AKR1B10: variants seen among roughly 807,000 people sequenced by gnomAD.
AKR1B10 encodes aldo-keto reductase family 1 member B10.
Under a neutral mutation model 38.9 loss-of-function variants are expected in AKR1B10, and 39 were observed. The ratio of observed to expected loss-of-function variants is 1.00; its 90% CI spans 0.78 to 1.31. The LOEUF is 1.31. Ranked by LOEUF, AKR1B10 falls within the 50% of genes most tolerant of loss-of-function variation. The probability of loss-of-function intolerance (pLI) is 0.00; values close to 1 mark genes in which losing one functional copy is unlikely to be tolerated. For synonymous variants in AKR1B10, 148 were observed against 141.2 expected, an observed-to-expected ratio of 1.05 and a Z score of -0.34; for missense variants, 361 against 382.6, an observed-to-expected ratio of 0.94 and a Z score of 0.47.
rs377177758 is a variant in AKR1B10, at chr7:134,537,564, A to C, written c.660-16A>C. On this transcript the variant is annotated splice_polypyrimidine_tract_variant and intron_variant, in intron 6 of 9. Transcript: ENST00000359579. ...AGCCATGGTGATTATTCACATCAGCATCTTTCTGCCCCTAGGGCCAAGCCA... is the reference window on the plus strand; with the variant it reads ...AGCCATGGTGATTATTCACATCAGCCTCTTTCTGCCCCTAGGGCCAAGCCA... 8.1e-6 allele frequency: 13 copies of C among 1,612,342 alleles called. No homozygotes were observed. Among genetic ancestry groups the C allele is most frequent in the Middle Eastern group, 3.6e-4 (2 of 5,592 alleles).
intron 9 of AKR1B10, among the ~76,000 whole-genome samples, chr7:134,540,593 GTAGGATGA>G: frequency 6.6e-6 from 1 of 152,270 alleles, no homozygotes; most frequent in East Asian, 1.9e-4. Flanking sequence ...CACTTATAAA[GTAGGATGA>G]TAATACTAAT....
chr7:134,531,786 G>T, intron 2 of AKR1B10, 122 bp from the exon 3 acceptor site: 1 of 1,100,398 alleles, frequency 9.1e-7, no homozygotes, highest in Non-Finnish European at 1.4e-6. Flanking sequence ...ATCTTAATCA[G>T]CTTTGTTACA....
Position 134,537,280 on chromosome 7 carries a change from T to C in AKR1B10, c.659+123T>C. 3 of 1,412,096 alleles carry C rather than the reference T, an allele frequency of 2.1e-6. No individual in the cohort carries two copies. The South Asian group carries it at 4.6e-5, about 22-fold the overall frequency. The allele number at this position is 1,412,096 out of a possible 1,614,324, so 87.5% of individuals were successfully genotyped here. A position where few individuals can be genotyped will look rare whatever the true frequency, so the allele number is the denominator to read the frequency against. ...AAAAATGTGTGTAAGGTAACACGTT[T>C]GGTACACACAAATGGGATGGCAGTG... On this transcript the variant is annotated intron_variant, in intron 6 of 9. Coordinates refer to ENST00000359579, the MANE Select transcript of AKR1B10 (RefSeq NM_020299.5).
chr7:134,536,673 G>A lies in AKR1B10; in HGVS notation c.453G>A (p.Glu151=). Residue 151 remains glutamate, a synonymous_variant, in exon 5 of 10, where the codon GAG becomes GAA. Transcript: ENST00000359579. ...AGGCCATGGAGGAGCTGGTGGATGA[G>A]GGGCTGGTGAAAGCCCTTGGGGTCT... ...AWEAMEELVD[E]GLVKALGVSN... is the part of the protein sequence containing the mutation. 1.2e-6 allele frequency: 2 copies of A among 1,613,910 alleles called. No homozygotes were observed. Among genetic ancestry groups the A allele is most frequent in the Non-Finnish European group, 1.7e-6 (2 of 1,179,818 alleles).
chr7:134,530,913 C>T, intron 2 of AKR1B10, 103 bp downstream of exon 2: 1 of 1,418,320 alleles, frequency 7.1e-7, no homozygotes. Flanking sequence ...ACATGTACCC[C>T]TTTTCATCTC....
intron 1 of AKR1B10, among the ~76,000 whole-genome samples, chr7:134,528,885 G>T (rs762384489): frequency 6.8e-4 from 104 of 152,298 alleles, no homozygotes; most frequent in Non-Finnish European, 1.2e-3. Flanking sequence ...TGCTGGGGCT[G>T]CAGAGAGCCT....
intron 9 of AKR1B10, 64 bp downstream of exon 9, chr7:134,539,081 T>A: frequency 6.3e-7 from 1 of 1,578,846 alleles, no homozygotes; most frequent in Non-Finnish European, 8.7e-7. Flanking sequence ...AGAGGGTTAG[T>A]TGGAAGGATT....
Position 134,537,573 on chromosome 7 carries a change from C to T in AKR1B10, c.660-7C>T, listed in dbSNP as rs1808045645. ...GATTATTCACATCAGCATCTTTCTG[C>T]CCCTAGGGCCAAGCCAGAAGACCCT... On this transcript the variant is annotated splice_polypyrimidine_tract_variant and splice_region_variant and intron_variant, in intron 6 of 9. Coordinates refer to ENST00000359579, the MANE Select transcript of AKR1B10 (RefSeq NM_020299.5). 5 of 1,613,258 alleles carry T rather than the reference C, an allele frequency of 3.1e-6. No homozygotes were observed. The highest frequency in any genetic ancestry group is 3.3e-5 in the Admixed American group (2 of 59,978).
At chr7:134,541,014 T>G in intron 9 of AKR1B10, 33 bp from the exon 10 acceptor site, 1 of 1,469,292 alleles carries the variant, frequency 6.8e-7, no homozygotes, top group Non-Finnish European at 9.5e-7. Flanking sequence ...GGAACTCAGT[T>G]TCTCTGTTTT....
At chr7:134,535,585 C>CTTTTTTTTTTTT (rs58628862) in intron 4 of AKR1B10, 98 of 410,560 alleles carry the variant, frequency 2.4e-4, no homozygotes, top group East Asian at 6.7e-4. Flanking sequence ...TCTTTTCTGT[C>CTTTTTTTTTTTT]TTTTTTTTTT....
rs1807909928 is a variant in AKR1B10, at chr7:134,533,161, C to T, written c.429+80C>T. The T allele has an allele frequency of 1.2e-5, 13 of 1,129,724 alleles. 1 individual carries two copies. In the South Asian group the frequency reaches 1.7e-4, roughly 15 times the overall value. 70.0% of individuals were successfully genotyped at this position (1,129,724 alleles called of 1,614,324 possible). ...GAGATTCGCATGGATATGAATGAGG[C>T]CATGTGCCTGATGCTTTCTAATTTC... On this transcript the variant is annotated intron_variant, in intron 4 of 9. Transcript: ENST00000359579.
chr7:134,531,237 T>C (rs113804650), intron 2 of AKR1B10, among the ~76,000 whole-genome samples: 2 of 152,336 alleles, frequency 1.3e-5, no homozygotes, highest in South Asian at 2.1e-4. Flanking sequence ...GGCATTTTTC[T>C]ATTGTCACAT....
rs754365410 is a variant in AKR1B10 at position 134,531,968 on chromosome 7, G to T, written c.295G>T (p.Asp99Tyr). 9.9e-6 allele frequency: 16 copies of T among 1,614,106 alleles called. No individual in the cohort carries two copies. The Admixed American group carries it at 2.7e-4, about 27-fold the overall frequency. ...VRKAFEKTLKDLKLSYLDVYL... is the reference protein window; with the variant it reads ...VRKAFEKTLKYLKLSYLDVYL... ...GAAAGCCTTTGAGAAGACCCTCAAG[G>T]ACCTGAAGCTGAGCTATCTGGACGT... Residue 99 changes from aspartate (D) to tyrosine (Y), a missense_variant, in exon 3 of 10, where the codon GAC (aspartate) becomes TAC (tyrosine). Around this residue, in one of 3 missense-constraint regions of AKR1B10, gnomAD observed 220 missense variants for 216.1 expected, o/e 1.02. Coordinates refer to ENST00000359579, the MANE Select transcript of AKR1B10 (RefSeq NM_020299.5).
chr7:134,531,412 G>T (rs74823456), intron 2 of AKR1B10, among the ~76,000 whole-genome samples: 3,691 of 152,212 alleles, frequency 0.024, 86 homozygotes, highest in South Asian at 0.11. Flanking sequence ...CATACATCTG[G>T]TAGGACAAAT....
At chr7:134,540,859 C>T (rs1326376296) in intron 9 of AKR1B10, among the ~76,000 whole-genome samples, 188 bp from the exon 10 acceptor site, 4 of 152,072 alleles carry the variant, frequency 2.6e-5, no homozygotes, top group Admixed American at 6.5e-5. Context: ...GCCCTCCTTC[C>T]GAGCAAAGCC....
rs558908249 is a variant in AKR1B10, at chr7:134,529,957, T to A, written c.67-686T>A. ...TGATGGCCTCTACTGAACCTTACTGTGTGTCAGGTAATGTGCAAAAAGCTT... is the reference window on the plus strand; with the variant it reads ...TGATGGCCTCTACTGAACCTTACTGAGTGTCAGGTAATGTGCAAAAAGCTT... On this transcript the variant is annotated intron_variant, in intron 1 of 9. Coordinates refer to ENST00000359579, the MANE Select transcript of AKR1B10 (RefSeq NM_020299.5). Among the ~76,000 whole-genome samples, 131 of 152,244 alleles carry A rather than the reference T, an allele frequency of 8.6e-4. 1 individual carries two copies. Among genetic ancestry groups the A allele is most frequent in the African/African-American group, 3.0e-3 (124 of 41,548 alleles).
At chr7:134,533,550 T>C (rs1207148677) in intron 4 of AKR1B10, among the ~76,000 whole-genome samples, 1 of 152,254 alleles carries the variant, frequency 6.6e-6, no homozygotes, top group Non-Finnish European at 1.5e-5. Context: ...AAAGCCCATT[T>C]AACCCTAGGA....
intron 2 of AKR1B10, among the ~76,000 whole-genome samples, chr7:134,531,315 G>A (rs1049810881): frequency 1.3e-5 from 2 of 152,124 alleles, no homozygotes; most frequent in Admixed American, 1.3e-4. Flanking sequence ...GAAGATGTTG[G>A]GTGTGAGAGG....
intron 4 of AKR1B10, among the ~76,000 whole-genome samples, chr7:134,534,255 G>T (rs1807938679): frequency 6.6e-6 from 1 of 152,078 alleles, no homozygotes; most frequent in African/African-American, 2.4e-5. Flanking sequence ...CTGAGTCGCT[G>T]GGACTAGAGG....
Sources: allele counts gnomAD v4.1 joint callset (sites outside exome capture counted in the v4.1 genomes callset), GRCh38; gene constraint gnomAD v4.1.1; regional missense constraint gnomAD v4.1.1; transcripts MANE v1.5; gene names NCBI Gene and HGNC (gene_info 2026-07-23, HGNC 2026-07-21).